EPHA6: variants seen among roughly 807,000 people sequenced by gnomAD.
The protein encoded by EPHA6 is ephrin type-A receptor 6.
In EPHA6, 50 loss-of-function variants were observed where a neutral mutation model predicts 112.0. That is an observed-to-expected ratio of 0.45 (90% CI 0.36 to 0.56). The LOEUF is 0.56. EPHA6 is among the 20% of genes least tolerant of loss of function. The pLI, the probability that EPHA6 is intolerant of heterozygous loss-of-function variation, is 0.00. For missense variants in EPHA6, 1,280 were observed against 1,417.4 expected, an observed-to-expected ratio of 0.90 and a Z score of 1.56; for synonymous variants, 529 against 490.7, an observed-to-expected ratio of 1.08 and a Z score of -1.03.
intron 3 of EPHA6, among the ~76,000 whole-genome samples, chr3:97,157,982 C>G (rs983156128): frequency 1.3e-5 from 2 of 152,134 alleles, no homozygotes; most frequent in Non-Finnish European, 2.9e-5. Context: ...TACCCCTTGT[C>G]AACTTGGCAT....
intron 2 of EPHA6, among the ~76,000 whole-genome samples, chr3:96,928,250 A>T (rs1271362828): frequency 6.6e-6 from 1 of 152,202 alleles, no homozygotes; most frequent in Non-Finnish European, 1.5e-5. Context: ...TAGCTTTTTG[A>T]TATGAGCATT....
intron 13 of EPHA6, among the ~76,000 whole-genome samples, chr3:97,627,805 A>G (rs563665142): frequency 1.3e-5 from 2 of 152,082 alleles, no homozygotes; most frequent in African/African-American, 4.8e-5. Flanking sequence ...TATATATTAT[A>G]ATAATTTAAA....
At chr3:97,448,468 G>A in intron 6 of EPHA6, 100 bp from the exon 7 acceptor site, 4 of 1,242,474 alleles carry the variant, frequency 3.2e-6, no homozygotes, top group Non-Finnish European at 4.6e-6. Flanking sequence ...AATACTTTTG[G>A]TATTCAGAGC....
At chr3:96,910,811 T>C (rs2039178628) in intron 2 of EPHA6, among the ~76,000 whole-genome samples, 1 of 152,074 alleles carries the variant, frequency 6.6e-6, no homozygotes, top group African/African-American at 2.4e-5. Context: ...TAGCATTAGT[T>C]AGTTGTATGT....
rs563834967 is a variant in EPHA6 at position 97,419,881 on chromosome 3, A to C, written c.1731+14607A>C. ...GATGACTGAAGTAATTCAAGTTTCT[A>C]AAGGCTGAGAAACTGGGAAGCCGCT... On this transcript the variant is annotated intron_variant, in intron 6 of 17. Transcript: ENST00000389672. Among the ~76,000 whole-genome samples the C allele has an allele frequency of 5.7e-3, 869 of 152,286 alleles. 16 individuals carry two copies. Among genetic ancestry groups the C allele is most frequent in the African/African-American group, 0.02 (818 of 41,554 alleles).
At chr3:97,513,407 T>C (rs909774125) in intron 10 of EPHA6, among the ~76,000 whole-genome samples, 1 of 152,212 alleles carries the variant, frequency 6.6e-6, no homozygotes, top group African/African-American at 2.4e-5. Context: ...AACCAAGATA[T>C]TGAATCAACC....
At chr3:97,573,059 C>T (rs574591205) in intron 11 of EPHA6, among the ~76,000 whole-genome samples, 1 of 152,268 alleles carries the variant, frequency 6.6e-6, no homozygotes, top group East Asian at 1.9e-4. Flanking sequence ...ATATGTATGA[C>T]ACTCTTGAAT....
intron 10 of EPHA6, among the ~76,000 whole-genome samples, chr3:97,498,921 A>T (rs1018670730): frequency 1.3e-5 from 2 of 152,174 alleles, no homozygotes; most frequent in Non-Finnish European, 2.9e-5. Context: ...AAGGTTGGGG[A>T]CCTCCACTCT....
intron 3 of EPHA6, among the ~76,000 whole-genome samples, chr3:97,057,228 A>T (rs1176601245): frequency 6.6e-6 from 1 of 152,242 alleles, no homozygotes; most frequent in East Asian, 1.9e-4. Flanking sequence ...AAATATCAAT[A>T]TTTAAAATTG....
In EPHA6 at chr3:97,624,334, G is replaced by C. The variant is rs151200372; in HGVS notation, c.2574+13480G>C. Among the ~76,000 whole-genome samples, 336 of 151,644 alleles carry C rather than the reference G, an allele frequency of 2.2e-3. 2 individuals are homozygous for C. Among genetic ancestry groups the C allele is most frequent in the African/African-American group, 7.9e-3 (326 of 41,470 alleles). ...TCCCCCTTCATTCAGTTAATGTGGT[G>C]TGTTACATTGACTGACTTTCATATT... On this transcript the variant is annotated intron_variant, in intron 13 of 17. Transcript: ENST00000389672.
chr3:96,998,571 G>A (rs190220734), intron 3 of EPHA6, among the ~76,000 whole-genome samples: 63 of 151,942 alleles, frequency 4.1e-4, no homozygotes, highest in African/African-American at 1.3e-3. Flanking sequence ...TTCTGAAAAT[G>A]TTATTTCCCC....
chr3:97,468,479 T>C (rs1156664786), intron 7 of EPHA6, among the ~76,000 whole-genome samples: 2 of 150,852 alleles, frequency 1.3e-5, no homozygotes, highest in East Asian at 3.9e-4. Flanking sequence ...TCTAATCTTA[T>C]ATATATTTTC....
intron 3 of EPHA6, among the ~76,000 whole-genome samples, chr3:97,182,232 A>C (rs1298656747): frequency 6.6e-6 from 1 of 151,690 alleles, no homozygotes; most frequent in Non-Finnish European, 1.5e-5. Flanking sequence ...GTTTGTTCTC[A>C]GAAAACAATA....
intron 14 of EPHA6, among the ~76,000 whole-genome samples, chr3:97,642,834 G>A (rs1034348024): frequency 2.7e-5 from 4 of 150,838 alleles, no homozygotes; most frequent in South Asian, 2.2e-4. Context: ...TGAAAGTGTT[G>A]GGGAGAATGG....
chr3:96,953,362 G>A (rs186512028), intron 2 of EPHA6, among the ~76,000 whole-genome samples: 1 of 152,028 alleles, frequency 6.6e-6, no homozygotes, highest in African/African-American at 2.4e-5. Flanking sequence ...TTTGTTTCTA[G>A]TTTAAAAACC....
chr3:97,274,827 G>A (rs147023787), intron 5 of EPHA6, among the ~76,000 whole-genome samples: 2,023 of 152,284 alleles, frequency 0.013, 47 homozygotes, highest in African/African-American at 0.046. Context: ...TGAGGGTCAG[G>A]TGTGGTATCC....
At chr3:97,432,635 G>A (rs1197260251) in intron 6 of EPHA6, among the ~76,000 whole-genome samples, 1 of 152,236 alleles carries the variant, frequency 6.6e-6, no homozygotes, top group African/African-American at 2.4e-5. Context: ...CCAAGACTGG[G>A]TAATTTATAA....
At chr3:97,404,302 C>A (rs1206403215) in intron 5 of EPHA6, among the ~76,000 whole-genome samples, 1 of 151,986 alleles carries the variant, frequency 6.6e-6, no homozygotes, top group Non-Finnish European at 1.5e-5. Context: ...GCCTAGCCAA[C>A]AGTGTCTTAC....
Position 97,222,827 on chromosome 3 carries a change from TGTG to T in EPHA6, c.1115-3433_1115-3431del, listed in dbSNP as rs545278995. On this transcript the variant is annotated intron_variant, in intron 3 of 17. Coordinates refer to ENST00000389672, the MANE Select transcript of EPHA6 (RefSeq NM_001080448.3). ...ACTAAGCACCGGACAAATCTGCTCT[TGTG>T]GTGCTTACAGCCATTAAACAGGTAA... Among the ~76,000 whole-genome samples, 3 of 152,332 alleles carry T rather than the reference TGTG, an allele frequency of 2.0e-5. No homozygotes were observed. The South Asian group carries it at 6.2e-4, about 32-fold the overall frequency.
Sources: gnomAD v4.1 joint callset for allele counts (sites outside exome capture counted in the v4.1 genomes callset) on GRCh38, gnomAD v4.1.1 for gene constraint, MANE v1.5 for transcripts, NCBI Gene and HGNC (gene_info 2026-07-23, HGNC 2026-07-21) for gene names.